TTC34: variants seen among roughly 807,000 people sequenced by gnomAD.
TTC34 encodes tetratricopeptide repeat protein 34.
TTC34 carries 44 observed loss-of-function variants against 40.7 expected under a neutral mutation model. The observed-to-expected ratio is 1.08, with a 90% CI of 0.85 to 1.39. The LOEUF (loss-of-function observed/expected upper bound fraction) is 1.39, where lower values mean the gene tolerates loss of function less well. Among genes scored for constraint, TTC34 ranks in the 40% most tolerant of loss-of-function variants. The probability of loss-of-function intolerance (pLI) is 0.00; values close to 1 mark genes in which losing one functional copy is unlikely to be tolerated. For missense variants in TTC34, 884 were observed against 838.0 expected (o/e 1.05, Z -0.68); for synonymous variants, 422 against 398.6 (o/e 1.06, Z -0.70).
intron 8 of TTC34, among the ~76,000 whole-genome samples, chr1:2,643,188 C>T (rs1638948364): frequency 6.6e-6 from 1 of 152,238 alleles, no homozygotes; most frequent in South Asian, 2.1e-4. Flanking sequence ...GCCCGCGGCT[C>T]GGGCCGCGCA....
chr1:2,800,667 C>A (rs986535727), exon 2 of TTC34: 5 of 398,438 alleles, frequency 1.3e-5, no homozygotes, highest in African/African-American at 2.1e-5. Context: ...CGCCGCCCCC[C>A]GAGCCTGGGC....
rs752498940 is a variant in TTC34 at position 2,641,708 on chromosome 1, G to A, written c.2900C>T (p.Ala967Val). The A allele has an allele frequency of 9.1e-6, 14 of 1,535,516 alleles. No individual in the cohort carries two copies. The highest frequency in any genetic ancestry group is 8.3e-5 in the South Asian group (7 of 84,054). Residue 967 changes from alanine (A) to valine (V), a missense_variant, in exon 9 of 9, where the codon GCG becomes GTG. Physicochemically the swap from Ala to Val is moderately conservative, Grantham distance 64. Coordinates refer to ENST00000401095, the Ensembl canonical transcript of TTC34. The stretch of plus-strand genomic sequence containing the variant: ...CCTTGGGAGGTCACCATCCCCCAGC[G>A]CCTCCTGGAGCACATGGTCCAGGTC...
chr1:2,778,574 C>A (rs1643397233), intron 6 of TTC34, among the ~76,000 whole-genome samples: 1 of 152,222 alleles, frequency 6.6e-6, no homozygotes, highest in African/African-American at 2.4e-5. Flanking sequence ...TCAGCCACAT[C>A]TCCTCTCCTG....
chr1:2,644,304 A>T lies in TTC34; in HGVS notation c.2672T>A (p.Leu891Gln), dbSNP rs1370951486. The T allele has an allele frequency of 3.3e-6, 5 of 1,535,438 alleles. No individual in the cohort carries two copies. The highest frequency in any genetic ancestry group is 2.0e-5 in the Admixed American group (1 of 50,974). ...CCGCTCCGAGGCCTCCAGGAGATGCAGCAGGCAGCTGAGATCCGGGGCATC... is the reference window on the plus strand; with the variant it reads ...CCGCTCCGAGGCCTCCAGGAGATGCTGCAGGCAGCTGAGATCCGGGGCATC... Residue 891 changes from leucine to glutamine, a missense_variant, in exon 8 of 9, where the codon CTG becomes CAG. By Grantham distance (113) the Leu-to-Gln change is moderately radical (BLOSUM62 -2). Coordinates refer to ENST00000401095, the Ensembl canonical transcript of TTC34.
At chr1:2,777,640 C>T (rs1210380805) in intron 6 of TTC34, among the ~76,000 whole-genome samples, 1 of 144,124 alleles carries the variant, frequency 6.9e-6, no homozygotes, top group African/African-American at 2.5e-5. Context: ...GAGCTCACAG[C>T]CTTGAGCCTG....
chr1:2,795,678 C>T (rs1643705173), intron 2 of TTC34, among the ~76,000 whole-genome samples: 1 of 152,222 alleles, frequency 6.6e-6, no homozygotes, highest in Non-Finnish European at 1.5e-5. Flanking sequence ...CACAGCTATG[C>T]TTTGTCACCT....
At chr1:2,690,799 C>T (rs1166479253) in intron 6 of TTC34, among the ~76,000 whole-genome samples, 1 of 61,528 alleles carries the variant, frequency 1.6e-5, no homozygotes, top group Non-Finnish European at 3.6e-5. Flanking sequence ...GAGCATCTGA[C>T]AGCCTGGAGC....
intron 6 of TTC34, among the ~76,000 whole-genome samples, chr1:2,781,081 A>AT (rs945302533): frequency 6.6e-6 from 1 of 152,058 alleles, no homozygotes; most frequent in Admixed American, 6.6e-5. Context: ...TTATATGTGA[A>AT]TTTTTTTCAA....
At chr1:2,644,000 T>C (rs1003038965) in intron 8 of TTC34, among the ~76,000 whole-genome samples, 6 of 152,202 alleles carry the variant, frequency 3.9e-5, no homozygotes, top group African/African-American at 1.4e-4. Context: ...GGCAAGGTCC[T>C]CTTCCCTCTC....
Position 2,698,974 on chromosome 1 carries a change from C to A in TTC34, c.2227-53411G>T, listed in dbSNP as rs1407742306. Among the ~76,000 whole-genome samples the A allele has an allele frequency of 5.0e-5, 7 of 141,020 alleles. 1 individual carries two copies. The highest frequency in any genetic ancestry group is 1.1e-4 in the Non-Finnish European group (7 of 63,738). 92.5% of individuals were successfully genotyped at this position (141,020 alleles called of 152,430 possible). On this transcript the variant is annotated intron_variant, in intron 6 of 8. Transcript: ENST00000401095. ...AGCCTGGAACATCACCCTGCCCCCC[C>A]AGGTGAGCATCTGACAGCCTGGAAA...
chr1:2,754,887 C>T (rs1341078333), intron 6 of TTC34, among the ~76,000 whole-genome samples: 1 of 73,954 alleles, frequency 1.4e-5, no homozygotes, highest in Non-Finnish European at 2.3e-5. Flanking sequence ...CAGCCTCGAA[C>T]AGCACCCTGC....
intron 6 of TTC34, among the ~76,000 whole-genome samples, chr1:2,683,596 C>A (rs1433527269): frequency 6.9e-6 from 1 of 145,546 alleles, no homozygotes; most frequent in African/African-American, 2.7e-5. Context: ...CCCACACACT[C>A]AGGCGAGCAT....
chr1:2,643,032 T>G (rs1419794808), intron 8 of TTC34, among the ~76,000 whole-genome samples: 2 of 152,156 alleles, frequency 1.3e-5, no homozygotes, highest in Non-Finnish European at 1.5e-5. Context: ...GGGGTGGTAG[T>G]GAAGCCTCGG....
intron 6 of TTC34, among the ~76,000 whole-genome samples, chr1:2,699,983 G>A (rs376065649): frequency 2.8e-5 from 3 of 107,460 alleles, no homozygotes; most frequent in South Asian, 6.0e-4. Flanking sequence ...CCCAAGGTGA[G>A]CATCTGACAG....
chr1:2,691,623 C>G (rs907764535), intron 6 of TTC34, among the ~76,000 whole-genome samples: 1,127 of 83,998 alleles, frequency 0.013, no homozygotes, highest in Middle Eastern at 0.028. Flanking sequence ...GCACCCTGCA[C>G]CCCCAGGTGC....
chr1:2,648,652 G>A lies in TTC34; in HGVS notation c.2227-3089C>T, dbSNP rs371887227. 1.4e-4 allele frequency among the ~76,000 whole-genome samples: 21 copies of A among 150,414 alleles called. No homozygotes were observed. In the East Asian group the frequency reaches 3.6e-3, roughly 26 times the overall value. On this transcript the variant is annotated intron_variant, in intron 6 of 8. Transcript: ENST00000401095. Reference sequence around the variant, plus strand: ...CCCCAGGGGAGCATCTTACAGCCTGGAACAGCACCCCACACCCCAGGGGAG... The same window carrying A: ...CCCCAGGGGAGCATCTTACAGCCTGAAACAGCACCCCACACCCCAGGGGAG...
At chr1:2,787,735 G>C in intron 3 of TTC34, 29 bp from the exon 4 acceptor site, 1 of 1,483,400 alleles carries the variant, frequency 6.7e-7, no homozygotes, top group Non-Finnish European at 9.1e-7. Context: ...AGGGGGGCAT[G>C]CCCCTTTTGA....
At chr1:2,699,001 G>C (rs1355430298) in intron 6 of TTC34, among the ~76,000 whole-genome samples, 3 of 138,206 alleles carry the variant, frequency 2.2e-5, no homozygotes, top group African/African-American at 7.7e-5. Flanking sequence ...GCCTGGAAAG[G>C]CACCCACACC....
chr1:2,778,087 G>C lies in TTC34; in HGVS notation c.2226+5522C>G, dbSNP rs115760202. 3.4e-3 allele frequency among the ~76,000 whole-genome samples: 516 copies of C among 152,330 alleles called. 2 individuals are homozygous for C. Among genetic ancestry groups the C allele is most frequent in the Middle Eastern group, 0.027 (8 of 294 alleles). On this transcript the variant is annotated intron_variant, in intron 6 of 8. Transcript: ENST00000401095. ...CCAGGCTGGCACAGAAGTCAGGCCT[G>C]CCAGTGGGAAACTTGGGGGAAACTT...
Sources: gnomAD v4.1 joint callset for allele counts (sites outside exome capture counted in the v4.1 genomes callset) on GRCh38, gnomAD v4.1.1 for gene constraint, MANE v1.5 for transcripts, NCBI Gene and HGNC (gene_info 2026-07-23, HGNC 2026-07-21) for gene names.